KCNH7: variants seen among roughly 807,000 people sequenced by gnomAD.
KCNH7 encodes the protein voltage-gated inwardly rectifying potassium channel KCNH7.
In KCNH7, 49 loss-of-function variants were observed where a neutral mutation model predicts 120.8. The observed-to-expected ratio is 0.41, with a 90% CI of 0.32 to 0.51. The LOEUF (loss-of-function observed/expected upper bound fraction) is 0.51, where lower values mean the gene tolerates loss of function less well. KCNH7 is among the 20% of genes least tolerant of loss of function. The pLI is 0.38. For missense variants in KCNH7, 1,097 were observed against 1,446.6 expected (o/e 0.76, Z 3.92); for synonymous variants, 547 against 516.1 (o/e 1.06, Z -0.81).
intron 2 of KCNH7, among the ~76,000 whole-genome samples, chr2:162,807,521 G>C (rs937189336): frequency 6.6e-6 from 1 of 152,018 alleles, no homozygotes; most frequent in African/African-American, 2.4e-5. Flanking sequence ...TAGAGATTCT[G>C]ATACAAGTTT....
At chr2:162,761,901 T>A (rs535571952) in intron 2 of KCNH7, among the ~76,000 whole-genome samples, 24 of 152,200 alleles carry the variant, frequency 1.6e-4, no homozygotes, top group African/African-American at 5.3e-4. Context: ...TTCCTTTAAT[T>A]CTGATATTTC....
intron 3 of KCNH7, among the ~76,000 whole-genome samples, chr2:162,530,794 T>A (rs181047619): frequency 6.2e-4 from 93 of 149,592 alleles, no homozygotes; most frequent in Non-Finnish European, 1.0e-4. Context: ...TTTACACTGG[T>A]AGGAACATTA....
At chr2:162,470,083 T>C (rs1001286899) in intron 6 of KCNH7, among the ~76,000 whole-genome samples, 39 of 152,166 alleles carry the variant, frequency 2.6e-4, no homozygotes, top group African/African-American at 9.4e-4. Flanking sequence ...GCCGCCTGCC[T>C]TGGCCTCCCA....
chr2:162,821,422 T>G (rs960571235), intron 2 of KCNH7, among the ~76,000 whole-genome samples: 4 of 152,188 alleles, frequency 2.6e-5, no homozygotes, highest in Non-Finnish European at 5.9e-5. Flanking sequence ...TTTCTCCAGA[T>G]TGCAAGATAC....
chr2:162,682,124 C>T (rs1685732166), intron 2 of KCNH7, among the ~76,000 whole-genome samples: 2 of 151,610 alleles, frequency 1.3e-5, no homozygotes, highest in South Asian at 2.1e-4. Context: ...GCAGTACCTA[C>T]TCCAATGCAC....
chr2:162,519,484 G>A (rs1453960086), intron 3 of KCNH7, among the ~76,000 whole-genome samples: 1 of 151,792 alleles, frequency 6.6e-6, no homozygotes, highest in Non-Finnish European at 1.5e-5. Context: ...AGCTCAGTGG[G>A]TGGGTTTGGA....
At chr2:162,418,509 T>G (rs1687603529) in intron 9 of KCNH7, among the ~76,000 whole-genome samples, 1 of 152,188 alleles carries the variant, frequency 6.6e-6, no homozygotes, top group Non-Finnish European at 1.5e-5. Flanking sequence ...AAGAATTGTT[T>G]TCATCGGAGT....
At chr2:162,650,118 G>A (rs557715584) in intron 2 of KCNH7, among the ~76,000 whole-genome samples, 2 of 152,170 alleles carry the variant, frequency 1.3e-5, no homozygotes, top group South Asian at 2.1e-4. Context: ...GGCAGCACAC[G>A]GGCATTATCT....
intron 2 of KCNH7, among the ~76,000 whole-genome samples, chr2:162,619,801 CAG>C: frequency 6.6e-6 from 1 of 152,174 alleles, no homozygotes; most frequent in African/African-American, 2.4e-5. Context: ...TGCTCCAAAA[CAG>C]AAAGCTTGAC....
chr2:162,417,071 AC>A (rs1354319306), intron 9 of KCNH7, among the ~76,000 whole-genome samples: 3 of 152,336 alleles, frequency 2.0e-5, no homozygotes, highest in East Asian at 1.9e-4. Context: ...TTTTAAAAAA[AC>A]AATGATTATG....
chr2:162,394,303 TG>T, intron 12 of KCNH7, 85 bp downstream of exon 12: 1 of 810,948 alleles, frequency 1.2e-6, no homozygotes, highest in Non-Finnish European at 2.2e-6. Flanking sequence ...AATATACTCT[TG>T]AAGTCAGAAG....
intron 6 of KCNH7, among the ~76,000 whole-genome samples, chr2:162,454,351 T>C (rs931177904): frequency 2.0e-5 from 3 of 152,204 alleles, no homozygotes; most frequent in African/African-American, 7.2e-5. Context: ...TTGGTTACTG[T>C]AGCCATGTAG....
Position 162,578,098 on chromosome 2 carries a change from G to A in KCNH7, c.308-41018C>T, listed in dbSNP as rs143535530. 5.7e-3 allele frequency among the ~76,000 whole-genome samples: 860 copies of A among 152,030 alleles called. 9 individuals are homozygous for A. Among genetic ancestry groups the A allele is most frequent in the African/African-American group, 0.02 (811 of 41,498 alleles). ...AAGGACTATGGAGACAAGCCCCTAGGCTACAATGCATACATGAGTCAAATG... is the reference window on the plus strand; with the variant it reads ...AAGGACTATGGAGACAAGCCCCTAGACTACAATGCATACATGAGTCAAATG... On this transcript the variant is annotated intron_variant, in intron 2 of 15. Transcript: ENST00000332142.
intron 6 of KCNH7, among the ~76,000 whole-genome samples, chr2:162,470,055 T>G (rs946208191): frequency 4.6e-5 from 7 of 152,168 alleles, no homozygotes; most frequent in Non-Finnish European, 8.8e-5. Flanking sequence ...CTCGGCTCGC[T>G]ACAACCTCCA....
intron 6 of KCNH7, among the ~76,000 whole-genome samples, chr2:162,446,659 T>C (rs761175855): frequency 1.3e-5 from 2 of 152,104 alleles, no homozygotes; most frequent in Non-Finnish European, 2.9e-5. Context: ...CATTTCTTGA[T>C]AAATATGAAT....
At position 162,565,643 on chromosome 2, in the gene KCNH7, C is replaced by T. The variant is rs550891288; in HGVS notation, c.308-28563G>A. On this transcript the variant is annotated intron_variant, in intron 2 of 15. Transcript: ENST00000332142. ...CTATAAAATGAAGACTTGTTTCCAT[C>T]GTTAAATACATACAAGGACATTGTG... Among the ~76,000 whole-genome samples, 6 of 152,096 alleles carry T rather than the reference C, an allele frequency of 3.9e-5. No individual in the cohort carries two copies. The South Asian group carries it at 6.2e-4, about 16-fold the overall frequency.
intron 2 of KCNH7, among the ~76,000 whole-genome samples, chr2:162,569,272 G>C (rs546522169): frequency 1.4e-4 from 21 of 151,468 alleles, no homozygotes; most frequent in African/African-American, 4.8e-4. Context: ...GTGTATGTGT[G>C]GAGGAATTTA....
At chr2:162,828,137 T>C (rs1223734160) in intron 2 of KCNH7, among the ~76,000 whole-genome samples, 2 of 152,132 alleles carry the variant, frequency 1.3e-5, no homozygotes, top group African/African-American at 4.8e-5. Flanking sequence ...AGCTAAGAGG[T>C]AAACAGAAAC....
intron 10 of KCNH7, among the ~76,000 whole-genome samples, chr2:162,399,610 C>A (rs1290821643): frequency 1.3e-5 from 2 of 151,800 alleles, no homozygotes; most frequent in Admixed American, 6.6e-5. Flanking sequence ...TTCTTTTGCA[C>A]CCAAACCAGT....
Sources: allele counts gnomAD v4.1 joint callset (sites outside exome capture counted in the v4.1 genomes callset), GRCh38; gene constraint gnomAD v4.1.1; transcripts MANE v1.5; gene names NCBI Gene and HGNC (gene_info 2026-07-23, HGNC 2026-07-21).